BRIP1: variants seen among roughly 807,000 people sequenced by gnomAD.
BRIP1 encodes Fanconi anemia group J protein.
A neutral mutation model predicts 119.7 loss-of-function variants in BRIP1; 88 were observed. The ratio of observed to expected loss-of-function variants is 0.74; its 90% CI spans 0.62 to 0.88. The LOEUF is 0.88. Among genes scored for constraint, BRIP1 ranks in the 40% least tolerant of loss-of-function variants. BRIP1 has a pLI of 0.00. For missense variants in BRIP1, 1,259 were observed against 1,455.4 expected (o/e 0.87, Z 2.20); for synonymous variants, 443 against 496.5 (o/e 0.89, Z 1.43).
chr17:61,858,363 G>C (rs893745227), intron 3 of BRIP1, among the ~76,000 whole-genome samples: 3 of 148,272 alleles, frequency 2.0e-5, no homozygotes, highest in Non-Finnish European at 4.4e-5. Flanking sequence ...AAAAGCTTAT[G>C]AAGTATTTAC....
chr17:61,707,457 A>G (rs1162476588), intron 17 of BRIP1, among the ~76,000 whole-genome samples: 1 of 152,018 alleles, frequency 6.6e-6, no homozygotes, highest in African/African-American at 2.4e-5. Context: ...AATTTTCTTG[A>G]GTTATTTCTT....
Position 61,730,505 on chromosome 17 carries a change from G to A in BRIP1, c.2379+12508C>T, listed in dbSNP as rs1227395403. Among the ~76,000 whole-genome samples the A allele has an allele frequency of 1.3e-5, 2 of 152,096 alleles. No individual in the cohort carries two copies. Among genetic ancestry groups the A allele is most frequent in the African/African-American group, 2.4e-5 (1 of 41,412 alleles). ...TCAATCAACCTTACAAGTCCTCAGG[G>A]TGATAATTTCACTTTTAAATCCTCC... On this transcript the variant is annotated intron_variant, in intron 16 of 19. Coordinates refer to ENST00000259008, the MANE Select transcript of BRIP1 (RefSeq NM_032043.3). The surrounding 1 kb of genome is among the most constrained non-coding windows in gnomAD (Gnocchi z 4.3).
rs1337373711 is a variant in BRIP1, at chr17:61,848,160, T to C, written c.508-940A>G. 6.7e-6 allele frequency among the ~76,000 whole-genome samples: 1 copy of C among 149,356 alleles called. No homozygotes were observed. Among genetic ancestry groups the C allele is most frequent in the Non-Finnish European group, 1.5e-5 (1 of 66,922 alleles). On this transcript the variant is annotated intron_variant, in intron 5 of 19. Transcript: ENST00000259008. This position sits in a 1 kb window ranked among gnomAD's most constrained non-coding sequence, Gnocchi z 4.3. ...CTACAAATAACATCCTAATTAATAA[T>C]TTTTTTATTTTATGTTTTTATTTAT...
In BRIP1 at chr17:61,810,926, G is replaced by A. The variant is rs756945508; in HGVS notation, c.628-2169C>T. On this transcript the variant is annotated intron_variant, in intron 6 of 19. Transcript: ENST00000259008. This position sits in a 1 kb window ranked among gnomAD's most constrained non-coding sequence, Gnocchi z 4.7. ...AAAGTTTTTAATTTTTAAAAGGGGT[G>A]AATTTGGCACAAATAATTTAATGTT... Among the ~76,000 whole-genome samples the A allele has an allele frequency of 6.6e-6, 1 of 151,998 alleles. No homozygotes were observed. The highest frequency in any genetic ancestry group is 1.5e-5 in the Non-Finnish European group (1 of 67,988).
intron 6 of BRIP1, among the ~76,000 whole-genome samples, chr17:61,821,308 C>T (rs1159203637): frequency 1.3e-5 from 2 of 152,126 alleles, no homozygotes; most frequent in East Asian, 1.9e-4. Context: ...AGGAGAGGTA[C>T]TTTCCATTCT....
chr17:61,692,053 T>C (rs900488953), intron 18 of BRIP1, among the ~76,000 whole-genome samples: 12 of 152,192 alleles, frequency 7.9e-5, no homozygotes, highest in Admixed American at 2.0e-4. Flanking sequence ...TGTTCCCCCA[T>C]GTCATAGGTG....
In BRIP1 at chr17:61,804,679, G is replaced by A. The variant is rs554945247; in HGVS notation, c.919-3205C>T. 7.3e-5 allele frequency among the ~76,000 whole-genome samples: 11 copies of A among 151,546 alleles called. No homozygotes were observed. The highest frequency in any genetic ancestry group is 2.1e-4 in the South Asian group (1 of 4,808). ...CATTACAGGCATGAGCATCATGCCC[G>A]GCCAATGTATTTTTTACAAATACAT... On this transcript the variant is annotated intron_variant, in intron 7 of 19. Coordinates refer to ENST00000259008, the MANE Select transcript of BRIP1 (RefSeq NM_032043.3). This position sits in a 1 kb window ranked among gnomAD's most constrained non-coding sequence, Gnocchi z 4.5.
chr17:61,817,476 TAA>T (rs2078253942), intron 6 of BRIP1, among the ~76,000 whole-genome samples: 2 of 152,214 alleles, frequency 1.3e-5, no homozygotes, highest in Non-Finnish European at 2.9e-5. Flanking sequence ...CAAAATGCTA[TAA>T]ACAAAACATA....
Position 61,863,353 on chromosome 17 carries a change from T to C in BRIP1, c.-100A>G, listed in dbSNP as rs1302245909. The C allele has an allele frequency of 6.6e-6, 1 of 152,002 alleles. No homozygotes were observed. Among genetic ancestry groups the C allele is most frequent in the Non-Finnish European group, 1.5e-5 (1 of 68,000 alleles). 9.4% of individuals were successfully genotyped at this position (152,002 alleles called of 1,614,324 possible). ...TGAAGAAAAGGAAAGGAAACCGACTTCTGAGAGCAAATAAAGCGGAGCCCT... is the reference window on the plus strand; with the variant it reads ...TGAAGAAAAGGAAAGGAAACCGACTCCTGAGAGCAAATAAAGCGGAGCCCT... On this transcript the variant is annotated 5_prime_UTR_variant, in exon 1 of 20. Transcript: ENST00000259008.
chr17:61,747,263 G>A (rs937728631), intron 14 of BRIP1, among the ~76,000 whole-genome samples: 15 of 151,822 alleles, frequency 9.9e-5, no homozygotes, highest in African/African-American at 3.6e-4. Context: ...CTACACTTCA[G>A]GGAACTAGAA....
rs1555573931 is a variant in BRIP1 at position 61,689,026 on chromosome 17, C to CTGTTATGTTCTGTTATGTTATGTTA, written c.2576-2862_2576-2861insTAACATAACATAACAGAACATAACA. Among the ~76,000 whole-genome samples the CTGTTATGTTCTGTTATGTTATGTTA allele has an allele frequency of 4.0e-4, 59 of 145,704 alleles. No homozygotes were observed. Among genetic ancestry groups the CTGTTATGTTCTGTTATGTTATGTTA allele is most frequent in the African/African-American group, 1.5e-3 (59 of 38,498 alleles). ...TACTTTATTTTATATATTTTATATT[C>CTGTTATGTTCTGTTATGTTATGTTA]TGTTATGTTATGTTATGTTATGTTA... On this transcript the variant is annotated intron_variant, in intron 18 of 19. Transcript: ENST00000259008. The surrounding 1 kb of genome is among the most constrained non-coding windows in gnomAD (Gnocchi z 4.5).
chr17:61,714,561 C>T (rs571259395), intron 17 of BRIP1, among the ~76,000 whole-genome samples: 22 of 152,194 alleles, frequency 1.4e-4, no homozygotes, highest in African/African-American at 4.6e-4. Flanking sequence ...TGTGTAAGTA[C>T]ATTTTATAAT....
chr17:61,822,911 G>A lies in BRIP1; in HGVS notation c.628-14154C>T, dbSNP rs1007791663. On this transcript the variant is annotated intron_variant, in intron 6 of 19. Coordinates refer to ENST00000259008, the MANE Select transcript of BRIP1 (RefSeq NM_032043.3). This position sits in a 1 kb window ranked among gnomAD's most constrained non-coding sequence, Gnocchi z 4.4. ...TAAATTAGGTCGTAAGTTTCAAGAA[G>A]GCTGAGGAACTATGGTCAAAATAGC... is the stretch of plus-strand genomic sequence containing the variant. Among the ~76,000 whole-genome samples the A allele has an allele frequency of 6.6e-6, 1 of 152,162 alleles. No individual in the cohort carries two copies. Among genetic ancestry groups the A allele is most frequent in the Non-Finnish European group, 1.5e-5 (1 of 68,030 alleles).
intron 17 of BRIP1, among the ~76,000 whole-genome samples, chr17:61,711,725 A>G (rs1022381798): frequency 6.6e-6 from 1 of 151,840 alleles, no homozygotes; most frequent in Non-Finnish European, 1.5e-5. Context: ...AAAATTAGCC[A>G]GGCGTGGTGG....
At chr17:61,750,647 C>T (rs998251432) in intron 14 of BRIP1, among the ~76,000 whole-genome samples, 2 of 150,112 alleles carry the variant, frequency 1.3e-5, no homozygotes, top group Admixed American at 1.3e-4. Flanking sequence ...AACTCAACAA[C>T]GAAAAAACCA....
At position 61,799,274 on chromosome 17, in the gene BRIP1, AC is replaced by A; in HGVS notation, c.1165del (p.Val389LeufsTer4). On this transcript the variant is annotated frameshift_variant, in exon 9 of 20. Transcript: ENST00000259008. LOFTEE classifies it high-confidence loss of function. This position sits in a 1 kb window ranked among gnomAD's most constrained non-coding sequence, Gnocchi z 5.1. ...GTTATGAGCTTCATCTAAAATGACA[AC>A]CTGTTCTTTCAGATTTAAATCCATC... ...ESMDLNLKEQ[V>X]VILDEAHNIE... 1 of 1,612,986 alleles carries A rather than the reference AC, an allele frequency of 6.2e-7. No homozygotes were observed. Among genetic ancestry groups the A allele is most frequent in the Non-Finnish European group, 8.5e-7 (1 of 1,179,224 alleles).
chr17:61,859,859 TG>T lies in BRIP1; in HGVS notation c.141del (p.Thr48GlnfsTer7), dbSNP rs587782065. 1 of 1,613,870 alleles carries T rather than the reference TG, an allele frequency of 6.2e-7. No homozygotes were observed. The highest frequency in any genetic ancestry group is 1.3e-5 in the African/African-American group (1 of 74,922). ...NSKQHCLLESPTGSGKSLALL... is the reference protein window; with the variant it reads ...NSKQHCLLESXTGSGKSLALL... ...AAGGCTAAGCTTTTTCCACTTCCTG[TG>T]GGACTCTCCAACAAACAATGTTGCT... On this transcript the variant is annotated frameshift_variant, in exon 3 of 20. Transcript: ENST00000259008. LOFTEE classifies it high-confidence loss of function.
In BRIP1 at chr17:61,691,183, T is replaced by A. The variant is rs1457705897; in HGVS notation, c.2575+2247A>T. The stretch of plus-strand genomic sequence containing the variant: ...CACACTAACATGGGACATGTATACA[T>A]ATGTAACAAACCTGCACGTTGTGCA... On this transcript the variant is annotated intron_variant, in intron 18 of 19. Transcript: ENST00000259008. This position sits in a 1 kb window ranked among gnomAD's most constrained non-coding sequence, Gnocchi z 5.0. 1.3e-5 allele frequency among the ~76,000 whole-genome samples: 2 copies of A among 151,982 alleles called. No homozygotes were observed. The highest frequency in any genetic ancestry group is 1.3e-4 in the Admixed American group (2 of 15,256).
rs2076956428 is a variant in BRIP1 at position 61,739,167 on chromosome 17, G to A, written c.2379+3846C>T. The A allele has an allele frequency of 5.5e-6, 1 of 182,102 alleles. No individual in the cohort carries two copies. Among genetic ancestry groups the A allele is most frequent in the Non-Finnish European group, 1.2e-5 (1 of 85,394 alleles). 11.3% of individuals were successfully genotyped at this position (182,102 alleles called of 1,614,324 possible). On this transcript the variant is annotated intron_variant, in intron 16 of 19. Coordinates refer to ENST00000259008, the MANE Select transcript of BRIP1 (RefSeq NM_032043.3). The surrounding 1 kb of genome is among the most constrained non-coding windows in gnomAD (Gnocchi z 6.0). ...AACAAAGCAGCCTTAGTGCAATAATGTAGAGCTAGAGTAAAATGATAAGAC... is the reference window on the plus strand; with the variant it reads ...AACAAAGCAGCCTTAGTGCAATAATATAGAGCTAGAGTAAAATGATAAGAC...
Sources: allele counts gnomAD v4.1 joint callset (sites outside exome capture counted in the v4.1 genomes callset), GRCh38; gene constraint gnomAD v4.1.1; non-coding constraint Gnocchi (gnomAD v3.1); transcripts MANE v1.5; gene names NCBI Gene and HGNC (gene_info 2026-07-23, HGNC 2026-07-21).